Variants in CYP3A5 observed in about 807,000 individuals in gnomAD.
CYP3A5 encodes the protein cytochrome P450 family 3 subfamily A member 5, also known as cytochrome P450 3A5.
CYP3A5 carries 51 observed loss-of-function variants against 55.9 expected under a neutral mutation model. That is an observed-to-expected ratio of 0.91 (90% confidence interval 0.73 to 1.15). The LOEUF (loss-of-function observed/expected upper bound fraction) is 1.15. Ranked by LOEUF, CYP3A5 falls within the 50% of genes most tolerant of loss-of-function variation. The probability of loss-of-function intolerance (pLI) is 0.00; values close to 1 mark genes in which losing one functional copy is unlikely to be tolerated. For missense variants in CYP3A5, 533 were observed against 596.6 expected (o/e 0.89, Z 1.11); for synonymous variants, 196 against 213.9 (o/e 0.92, Z 0.73).
intron 4 of CYP3A5, chr7:99,671,916 CAT>C: frequency 1.4e-6 from 1 of 695,606 alleles, no homozygotes; most frequent in Non-Finnish European, 2.6e-6. Context: ...TACCCACACA[CAT>C]AAACACACAC....
Position 99,665,321 on chromosome 7 carries a change from G to T in CYP3A5, c.522-7C>A. 1 of 1,614,046 alleles carries T rather than the reference G, an allele frequency of 6.2e-7. No individual in the cohort carries two copies. Among genetic ancestry groups the T allele is most frequent in the Admixed American group, 1.7e-5 (1 of 60,024 alleles). On this transcript the variant is annotated splice_polypyrimidine_tract_variant and splice_region_variant and intron_variant, in intron 6 of 12. Coordinates refer to ENST00000222982, the MANE Select transcript of CYP3A5 (RefSeq NM_000777.5). ...GCTGTAGGCCCCAAAGATGCTGAGT[G>T]GAGAAAGATATGGAAAATTAAAATC...
Position 99,672,613 on chromosome 7 carries a change from C to T in CYP3A5, c.285G>A (p.Val95=). The change falls in exon 4 of 13, where the codon GTG becomes GTA. Residue 95 remains valine (V), a synonymous_variant. Transcript: ENST00000222982. The part of the protein sequence containing the change: ...TDPDVIRTVL[V]KECYSVFTNR... ...TTGTGAAGACAGAATAACATTCTTT[C>T]ACTAGCACTGTTCTGATCACGTCGG... 6.2e-7 allele frequency: 1 copy of T among 1,614,094 alleles called. No individual in the cohort carries two copies. Among genetic ancestry groups the T allele is most frequent in the Non-Finnish European group, 8.5e-7 (1 of 1,179,972 alleles).
intron 10 of CYP3A5, among the ~76,000 whole-genome samples, chr7:99,656,932 C>CTTTA (rs1183514702): frequency 1.3e-5 from 2 of 152,106 alleles, no homozygotes; most frequent in Non-Finnish European, 2.9e-5. Flanking sequence ...GTGATATCCC[C>CTTTA]TTTATCATTT....
At chr7:99,655,563 C>T (rs1809631433) in intron 10 of CYP3A5, among the ~76,000 whole-genome samples, 1 of 152,172 alleles carries the variant, frequency 6.6e-6, no homozygotes, top group Non-Finnish European at 1.5e-5. Context: ...GCAATGCGGG[C>T]TCTTTTTTGG....
chr7:99,675,618 T>TC (rs1812150448), intron 2 of CYP3A5, among the ~76,000 whole-genome samples: 1 of 81,540 alleles, frequency 1.2e-5, no homozygotes, highest in Non-Finnish European at 2.6e-5. Flanking sequence ...TCCTCTCTCC[T>TC]CTCCTTTTCT....
chr7:99,675,017 T>C (rs557760445), intron 2 of CYP3A5, among the ~76,000 whole-genome samples: 1 of 152,372 alleles, frequency 6.6e-6, no homozygotes, highest in East Asian at 1.9e-4. Flanking sequence ...ATTTATCTCA[T>C]GTGCTCTCTC....
chr7:99,664,180 T>G, intron 7 of CYP3A5, 85 bp from the exon 8 acceptor site: 1 of 1,106,580 alleles, frequency 9.0e-7, no homozygotes, highest in Non-Finnish European at 1.3e-6. Context: ...CTACCAGTAA[T>G]AAGAATAAGA....
intron 7 of CYP3A5, 78 bp from the exon 8 acceptor site, chr7:99,664,173 C>G (rs765972800): frequency 1.7e-6 from 2 of 1,170,278 alleles, no homozygotes; most frequent in Non-Finnish European, 2.5e-6. Context: ...ATTTTCTCTA[C>G]CAGTAATAAG....
intron 4 of CYP3A5, chr7:99,670,999 T>C (rs765307279): frequency 1.3e-5 from 2 of 152,192 alleles, no homozygotes; most frequent in Non-Finnish European, 2.9e-5. Context: ...ACTTGGAACC[T>C]GTTCAATGAT....
chr7:99,677,385 C>T (rs572594039), intron 1 of CYP3A5, among the ~76,000 whole-genome samples: 2 of 152,328 alleles, frequency 1.3e-5, no homozygotes, highest in South Asian at 4.1e-4. Context: ...CCACATGCCT[C>T]ATATGTACTT....
At chr7:99,666,756 T>C in intron 5 of CYP3A5, 67 bp from the exon 6 acceptor site, 1 of 1,611,724 alleles carries the variant, frequency 6.2e-7, no homozygotes. Context: ...GGATATGGCT[T>C]TCTCCAGCAT....
chr7:99,651,673 A>G (rs1809205423), intron 11 of CYP3A5, among the ~76,000 whole-genome samples: 2 of 152,244 alleles, frequency 1.3e-5, no homozygotes, highest in Non-Finnish European at 2.9e-5. Flanking sequence ...AGCATCCTGA[A>G]TCACCAGCCA....
At chr7:99,676,565 G>T in intron 1 of CYP3A5, 3 of 1,357,070 alleles carry the variant, frequency 2.2e-6, no homozygotes, top group Non-Finnish European at 2.9e-6. Context: ...CGCTGATTTG[G>T]GGACTCTCAT....
chr7:99,669,823 T>C (rs554404208), intron 4 of CYP3A5, among the ~76,000 whole-genome samples: 1 of 152,352 alleles, frequency 6.6e-6, no homozygotes, highest in African/African-American at 2.4e-5. Flanking sequence ...TCTTTGTCCT[T>C]TGTAAACATA....
chr7:99,663,987 C>G lies in CYP3A5; in HGVS notation c.779G>C (p.Arg260Pro), dbSNP rs376773432. 1 of 1,587,366 alleles carries G rather than the reference C, an allele frequency of 6.3e-7. No homozygotes were observed. The highest frequency in any genetic ancestry group is 1.2e-5 in the South Asian group (1 of 84,774). The change falls in exon 8 of 13, where the codon CGC becomes CCC. Residue 260 changes from arginine (R) to proline (P), a missense_variant. Coordinates refer to ENST00000222982, the MANE Select transcript of CYP3A5 (RefSeq NM_000777.5). Reference protein sequence around the residue: ...SKSVNRMKKSRLNDKQKHRLD... With the variant: ...SKSVNRMKKSPLNDKQKHRLD... ...TTTTACCTTTTGTTTGTCGTTGAGG[C>G]GACTTTTCTTCATTCTGTTTACAGA...
intron 10 of CYP3A5, among the ~76,000 whole-genome samples, chr7:99,654,927 G>T (rs975318302): frequency 6.6e-6 from 1 of 152,052 alleles, no homozygotes; most frequent in African/African-American, 2.4e-5. Context: ...TGATGGGGTT[G>T]TGTTTTTTTC....
intron 6 of CYP3A5, among the ~76,000 whole-genome samples, chr7:99,666,223 T>C (rs1001047699): frequency 6.6e-6 from 1 of 152,180 alleles, no homozygotes; most frequent in Non-Finnish European, 1.5e-5. Flanking sequence ...ATTGTAACTT[T>C]CCCATCTTAC....
chr7:99,671,807 TAGGACAGC>T (rs1399911980), intron 4 of CYP3A5: 1 of 702,894 alleles, frequency 1.4e-6, no homozygotes, highest in Admixed American at 2.0e-5. Flanking sequence ...GTTGTGACTG[TAGGACAGC>T]AGGAGGGAGC....
Position 99,662,045 on chromosome 7 carries a change from T to C in CYP3A5, c.865+771A>G, listed in dbSNP as rs1445681681. ...AGCAAGTTTTGTTGAGATAGATAGA[T>C]GATTAATTGATAAATTATAGGCAGA... On this transcript the variant is annotated intron_variant, in intron 9 of 12. Transcript: ENST00000222982. This position sits in a 1 kb window ranked among gnomAD's most constrained non-coding sequence, Gnocchi z 4.3. 6.6e-6 allele frequency among the ~76,000 whole-genome samples: 1 copy of C among 152,244 alleles called. No individual in the cohort carries two copies.
Sources: allele counts gnomAD v4.1 joint callset (sites outside exome capture counted in the v4.1 genomes callset), GRCh38; gene constraint gnomAD v4.1.1; non-coding constraint Gnocchi (gnomAD v3.1); transcripts MANE v1.5; gene names NCBI Gene and HGNC (gene_info 2026-07-23, HGNC 2026-07-21).